Variants in BCHE observed in about 807,000 individuals in gnomAD.
BCHE encodes the protein cholinesterase.
Under a neutral mutation model 51.3 loss-of-function variants are expected in BCHE, and 48 were observed. The ratio of observed to expected loss-of-function variants is 0.94; its 90% CI spans 0.74 to 1.19. The LOEUF (loss-of-function observed/expected upper bound fraction) is 1.19, where lower values mean the gene tolerates loss of function less well. Ranked by LOEUF, BCHE falls within the 50% of genes most tolerant of loss-of-function variation. The pLI is 0.00. For missense variants in BCHE, 847 were observed against 708.2 expected (o/e 1.20, Z -2.23); for synonymous variants, 251 against 238.0 (o/e 1.05, Z -0.50).
At chr3:165,815,541 A>G (rs1192433886) in intron 2 of BCHE, among the ~76,000 whole-genome samples, 1 of 152,162 alleles carries the variant, frequency 6.6e-6, no homozygotes, top group East Asian at 1.9e-4. Flanking sequence ...GGGAGCTAGC[A>G]AATGTTAGCA....
chr3:165,792,615 T>G (rs1713213146), intron 2 of BCHE, among the ~76,000 whole-genome samples: 2 of 152,190 alleles, frequency 1.3e-5, no homozygotes, highest in Non-Finnish European at 2.9e-5. Flanking sequence ...TCTCTAATAT[T>G]AATATAGATT....
intron 2 of BCHE, among the ~76,000 whole-genome samples, chr3:165,814,870 T>G (rs1437454193): frequency 6.6e-6 from 1 of 151,166 alleles, no homozygotes; most frequent in Non-Finnish European, 1.5e-5. Flanking sequence ...CCATCAGACG[T>G]ATGGGTCATA....
intron 2 of BCHE, among the ~76,000 whole-genome samples, chr3:165,807,440 G>A (rs1713907005): frequency 1.3e-5 from 2 of 151,708 alleles, no homozygotes; most frequent in African/African-American, 4.8e-5. Context: ...TCAACAACCA[G>A]TTACCATCAG....
intron 1 of BCHE, among the ~76,000 whole-genome samples, chr3:165,832,312 G>A (rs897134848): frequency 6.6e-6 from 1 of 152,132 alleles, no homozygotes; most frequent in Non-Finnish European, 1.5e-5. Context: ...TGTCTCTTTT[G>A]AGATGGAGTC....
intron 3 of BCHE, among the ~76,000 whole-genome samples, chr3:165,775,498 T>A (rs1411474195): frequency 1.3e-5 from 2 of 151,728 alleles, no homozygotes; most frequent in Non-Finnish European, 1.5e-5. Context: ...GTTTTAAATC[T>A]TACTTATATA....
Position 165,837,383 on chromosome 3 carries a change from A to G in BCHE, c.-78T>C. 1 of 1,289,798 alleles carries G rather than the reference A, an allele frequency of 7.8e-7. No individual in the cohort carries two copies. Among genetic ancestry groups the G allele is most frequent in the Non-Finnish European group, 1.0e-6 (1 of 988,838 alleles). The allele number at this position is 1,289,798 out of a possible 1,614,324, so 79.9% of individuals were successfully genotyped here. ...ATCATGTAATACTTCGGGGAAATGC[A>G]GGATGCAGCTGCTGCTCCAGCCTGT... On this transcript the variant is annotated 5_prime_UTR_variant, in exon 1 of 4. Coordinates refer to ENST00000264381, the MANE Select transcript of BCHE (RefSeq NM_000055.4).
chr3:165,782,577 G>A (rs1443113672), intron 3 of BCHE, among the ~76,000 whole-genome samples: 1 of 152,080 alleles, frequency 6.6e-6, no homozygotes, highest in East Asian at 1.9e-4. Context: ...AGCCAAAAAG[G>A]ACACTGAGTA....
chr3:165,822,477 T>C (rs2108229416), intron 2 of BCHE, among the ~76,000 whole-genome samples: 1 of 152,190 alleles, frequency 6.6e-6, no homozygotes, highest in African/African-American at 2.4e-5. Context: ...AGAGTTATAT[T>C]TATATTCCCA....
At chr3:165,806,310 T>C (rs1044797505) in intron 2 of BCHE, among the ~76,000 whole-genome samples, 1 of 152,184 alleles carries the variant, frequency 6.6e-6, no homozygotes, top group African/African-American at 2.4e-5. Flanking sequence ...TGTTTCATCT[T>C]ACCCCAAAAC....
intron 1 of BCHE, among the ~76,000 whole-genome samples, chr3:165,833,835 T>A (rs754748399): frequency 2.6e-5 from 4 of 152,224 alleles, no homozygotes; most frequent in Admixed American, 6.5e-5. Context: ...AAAAAGTGAA[T>A]AAGGTGCAAA....
At chr3:165,829,389 G>C (rs1441935102) in intron 2 of BCHE, 128 bp downstream of exon 2, 2 of 855,882 alleles carry the variant, frequency 2.3e-6, no homozygotes, top group Non-Finnish European at 1.9e-6. Context: ...AACCAGCTTT[G>C]GTACAAATAG....
At position 165,781,437 on chromosome 3, in the gene BCHE, A is replaced by G. The variant is rs183223495; in HGVS notation, c.1684+4708T>C. The stretch of plus-strand genomic sequence containing the variant: ...ATGAGATAATGTCCTTTGCAGGGAC[A>G]TGGATGAAGATGGAAGCCACCATCA... On this transcript the variant is annotated intron_variant, in intron 3 of 3. Coordinates refer to ENST00000264381, the MANE Select transcript of BCHE (RefSeq NM_000055.4). 1.9e-3 allele frequency among the ~76,000 whole-genome samples: 290 copies of G among 152,320 alleles called. 1 individual carries two copies. The highest frequency in any genetic ancestry group is 5.5e-3 in the Admixed American group (84 of 15,284).
chr3:165,795,946 G>C (rs939029696), intron 2 of BCHE, among the ~76,000 whole-genome samples: 3 of 151,986 alleles, frequency 2.0e-5, no homozygotes, highest in Non-Finnish European at 4.4e-5. Flanking sequence ...GAAAGGGAGA[G>C]GAGAGGAGAA....
intron 2 of BCHE, among the ~76,000 whole-genome samples, chr3:165,824,098 G>A (rs1270184710): frequency 1.3e-5 from 2 of 151,632 alleles, no homozygotes; most frequent in Non-Finnish European, 2.9e-5. Flanking sequence ...TTACATGAAA[G>A]CTTTACAAAG....
At chr3:165,788,399 A>T (rs982911804) in intron 2 of BCHE, among the ~76,000 whole-genome samples, 2 of 152,090 alleles carry the variant, frequency 1.3e-5, no homozygotes, top group African/African-American at 4.8e-5. Context: ...TTCAAGCTAA[A>T]CCAATATCAT....
At chr3:165,777,494 TAGAC>T in intron 3 of BCHE, among the ~76,000 whole-genome samples, 1 of 152,222 alleles carries the variant, frequency 6.6e-6, no homozygotes, top group South Asian at 2.1e-4. Flanking sequence ...AATGATCAAA[TAGAC>T]ATATCAACTA....
intron 2 of BCHE, among the ~76,000 whole-genome samples, chr3:165,795,859 G>A (rs1470135787): frequency 6.6e-6 from 1 of 152,010 alleles, no homozygotes; most frequent in Non-Finnish European, 1.5e-5. Flanking sequence ...CATCATTCCT[G>A]ACTTGTGGAT....
chr3:165,778,384 A>G (rs1712554075), intron 3 of BCHE: 1 of 168,736 alleles, frequency 5.9e-6, no homozygotes, highest in Admixed American at 5.8e-5. Flanking sequence ...GACTCTAAGA[A>G]GACAAAGGTA....
chr3:165,830,385 G>A lies in BCHE; in HGVS notation c.649C>T (p.Pro217Ser), dbSNP rs1340162283. The A allele has an allele frequency of 2.5e-6, 4 of 1,613,862 alleles. No individual in the cohort carries two copies. Among genetic ancestry groups the A allele is most frequent in the Admixed American group, 1.7e-5 (1 of 59,960 alleles). Residue 217 changes from proline to serine, a missense_variant, in exon 2 of 4, where the codon CCT (proline) becomes TCT (serine). Transcript: ENST00000264381. ...TCTCCAAAGAGAGTTACACTTTTAG[G>A]ATTTCCACCAAAGGCTGCTATATTT... is the stretch of plus-strand genomic sequence containing the variant. ...QKNIAAFGGN[P>S]KSVTLFGESA...
Sources: gnomAD v4.1 joint callset for allele counts (sites outside exome capture counted in the v4.1 genomes callset) on GRCh38, gnomAD v4.1.1 for gene constraint, MANE v1.5 for transcripts, NCBI Gene and HGNC (gene_info 2026-07-23, HGNC 2026-07-21) for gene names.